The following TMEM154 variants were observed in gnomAD, a reference collection of about 807,000 sequenced individuals.
TMEM154 encodes transmembrane protein 154.
Under a neutral mutation model 24.5 loss-of-function variants are expected in TMEM154, and 27 were observed. That is an observed-to-expected ratio of 1.10 (90% CI 0.81 to 1.52). The LOEUF (loss-of-function observed/expected upper bound fraction) is 1.52, where lower values mean the gene tolerates loss of function less well. Among genes scored for constraint, TMEM154 ranks in the 40% most tolerant of loss-of-function variants. TMEM154 has a pLI of 0.00. For missense variants in TMEM154, 228 were observed against 213.4 expected, an observed-to-expected ratio of 1.07 and a Z score of -0.43; for synonymous variants, 67 against 76.8, an observed-to-expected ratio of 0.87 and a Z score of 0.67.
At chr4:152,648,354 G>A (rs6535856) in intron 3 of TMEM154, among the ~76,000 whole-genome samples, 80,461 of 151,264 alleles carry the variant, frequency 0.53, 21,518 homozygotes, top group African/African-American at 0.6. Flanking sequence ...AACTACTCAG[G>A]CATGGTGGCA....
intron 1 of TMEM154, among the ~76,000 whole-genome samples, chr4:152,663,144 T>A (rs1164422803): frequency 6.6e-6 from 1 of 152,228 alleles, no homozygotes; most frequent in Admixed American, 6.5e-5. Context: ...TAAAGCACCA[T>A]ACACGGGCCA....
chr4:152,636,528 G>A (rs1752152107), intron 6 of TMEM154, among the ~76,000 whole-genome samples: 1 of 152,220 alleles, frequency 6.6e-6, no homozygotes, highest in Admixed American at 6.5e-5. Context: ...AAAATCCTGT[G>A]CTGTCTTTCG....
intron 6 of TMEM154, among the ~76,000 whole-genome samples, chr4:152,631,001 CT>C (rs1239130392): frequency 1.3e-5 from 2 of 152,082 alleles, no homozygotes; most frequent in Non-Finnish European, 2.9e-5. Flanking sequence ...TAGCCAATCC[CT>C]TATTGTTAAA....
intron 1 of TMEM154, among the ~76,000 whole-genome samples, chr4:152,661,302 C>T (rs985122092): frequency 1.2e-4 from 15 of 122,280 alleles, no homozygotes; most frequent in African/African-American, 5.1e-4. Flanking sequence ...CTCTCTCTCT[C>T]TCTCTCTCTC....
chr4:152,663,112 T>C (rs928165053), intron 1 of TMEM154, among the ~76,000 whole-genome samples: 1 of 152,212 alleles, frequency 6.6e-6, no homozygotes, highest in Non-Finnish European at 1.5e-5. Context: ...AAATAAGAAC[T>C]GTTAAAATGC....
rs1226469561 is a variant in TMEM154 at position 152,628,529 on chromosome 4, A to G, written c.*17T>C. The G allele has an allele frequency of 7.7e-6, 12 of 1,564,576 alleles. No homozygotes were observed. The highest frequency in any genetic ancestry group is 1.4e-5 in the African/African-American group (1 of 70,216). ...TCAGGGGCTGCTTCTCTTGGAAAAC[A>G]TGAGCGCCATTCAGGTTTAGGATTC... On this transcript the variant is annotated 3_prime_UTR_variant, in exon 7 of 7. Transcript: ENST00000304385.
intron 1 of TMEM154, 33 bp downstream of exon 1, chr4:152,679,837 C>T (rs773673089): frequency 1.3e-6 from 2 of 1,592,122 alleles, no homozygotes; most frequent in African/African-American, 2.7e-5. Flanking sequence ...TTGCGATCCT[C>T]CTTCCCAGGA....
chr4:152,677,185 T>A (rs964984968), intron 1 of TMEM154, among the ~76,000 whole-genome samples: 3 of 152,220 alleles, frequency 2.0e-5, no homozygotes, highest in Non-Finnish European at 4.4e-5. Flanking sequence ...CTTATTTCTC[T>A]CCTGGTGACT....
At chr4:152,675,723 G>A (rs1579541623) in intron 1 of TMEM154, among the ~76,000 whole-genome samples, 1 of 152,326 alleles carries the variant, frequency 6.6e-6, no homozygotes, top group East Asian at 1.9e-4. Context: ...AGATAGACAA[G>A]GTGATTGCAC....
intron 1 of TMEM154, among the ~76,000 whole-genome samples, chr4:152,656,814 A>G (rs1212401554): frequency 1.3e-5 from 2 of 151,872 alleles, no homozygotes; most frequent in Non-Finnish European, 2.9e-5. Context: ...CCAGTTACTC[A>G]GGAGGCTGAG....
chr4:152,639,921 T>C (rs1752224312), intron 6 of TMEM154: 1 of 152,840 alleles, frequency 6.5e-6, no homozygotes, highest in Non-Finnish European at 1.5e-5. Context: ...AGTAAGACTG[T>C]GGTGGTGTGA....
chr4:152,644,853 A>T (rs1337110753), intron 3 of TMEM154, among the ~76,000 whole-genome samples: 1 of 152,202 alleles, frequency 6.6e-6, no homozygotes, highest in Non-Finnish European at 1.5e-5. Flanking sequence ...CATGCTGAAC[A>T]CTGTGACACT....
intron 1 of TMEM154, among the ~76,000 whole-genome samples, chr4:152,670,881 G>A (rs1228359513): frequency 2.0e-5 from 3 of 152,182 alleles, no homozygotes; most frequent in African/African-American, 7.2e-5. Context: ...CATTTGGCAA[G>A]TGCAGGTGAA....
At chr4:152,644,937 T>C (rs563220217) in intron 3 of TMEM154, among the ~76,000 whole-genome samples, 1 of 152,304 alleles carries the variant, frequency 6.6e-6, no homozygotes, top group East Asian at 1.9e-4. Context: ...TTACCCCTGC[T>C]CTTGGCATGG....
intron 6 of TMEM154, among the ~76,000 whole-genome samples, chr4:152,637,864 T>C (rs528682972): frequency 1.3e-5 from 2 of 152,330 alleles, no homozygotes; most frequent in African/African-American, 4.8e-5. Flanking sequence ...TTTTATGGAT[T>C]ATCAATTTAA....
intron 6 of TMEM154, among the ~76,000 whole-genome samples, chr4:152,631,478 G>A (rs1159311903): frequency 1.3e-5 from 2 of 152,168 alleles, no homozygotes; most frequent in South Asian, 4.1e-4. Flanking sequence ...ATGTCACCCA[G>A]GCTGGAGTGC....
intron 3 of TMEM154, 58 bp from the exon 4 acceptor site, chr4:152,644,500 A>C: frequency 1.3e-6 from 2 of 1,550,728 alleles, no homozygotes; most frequent in Non-Finnish European, 1.8e-6. Flanking sequence ...ACAACTTTTA[A>C]TTTCAACAAC....
chr4:152,647,629 G>A (rs938220086), intron 3 of TMEM154, among the ~76,000 whole-genome samples: 11 of 152,090 alleles, frequency 7.2e-5, no homozygotes, highest in African/African-American at 2.2e-4. Context: ...CCCTCTGAGC[G>A]TAGATGTTCT....
chr4:152,642,783 G>A (rs1752282807), intron 5 of TMEM154, among the ~76,000 whole-genome samples: 1 of 152,022 alleles, frequency 6.6e-6, no homozygotes, highest in Non-Finnish European at 1.5e-5. Flanking sequence ...AATGTATAAG[G>A]TAATGCCAGA....
Sources: gnomAD v4.1 joint callset for allele counts (sites outside exome capture counted in the v4.1 genomes callset) on GRCh38, gnomAD v4.1.1 for gene constraint, MANE v1.5 for transcripts, NCBI Gene and HGNC (gene_info 2026-07-23, HGNC 2026-07-21) for gene names.